The following NR2C2 variants were observed in gnomAD, a reference collection of about 807,000 sequenced individuals.
NR2C2 encodes the protein Nuclear hormone receptor TR4.
NR2C2 carries 6 observed loss-of-function variants against 62.9 expected under a neutral mutation model. That is an observed-to-expected ratio of 0.10 (90% confidence interval 0.05 to 0.19). NR2C2 has a LOEUF of 0.19. Among genes scored for constraint, NR2C2 ranks in the 10% least tolerant of loss-of-function variants. The pLI is 1.00. For missense variants in NR2C2, 479 were observed against 762.7 expected, an observed-to-expected ratio of 0.63 and a Z score of 4.38; for synonymous variants, 272 against 273.8, an observed-to-expected ratio of 0.99 and a Z score of 0.07.
At chr3:14,950,175 G>A (rs1367692820) in intron 1 of NR2C2, among the ~76,000 whole-genome samples, 2 of 152,214 alleles carry the variant, frequency 1.3e-5, no homozygotes, top group African/African-American at 2.4e-5. Flanking sequence ...TTTTTATGCA[G>A]TGTGGTGTAG....
chr3:15,019,336 C>A (rs561277827), intron 4 of NR2C2, among the ~76,000 whole-genome samples: 13 of 152,202 alleles, frequency 8.5e-5, no homozygotes, highest in Non-Finnish European at 1.3e-4. Flanking sequence ...TAAACTAGTA[C>A]AGCCACTATA....
intron 4 of NR2C2, among the ~76,000 whole-genome samples, chr3:15,017,578 T>C (rs1391801995): frequency 6.6e-6 from 1 of 152,170 alleles, no homozygotes; most frequent in Non-Finnish European, 1.5e-5. Flanking sequence ...GCTTCCCCAT[T>C]TGTCAGTCTT....
intron 7 of NR2C2, among the ~76,000 whole-genome samples, chr3:15,027,423 C>A (rs1302441773): frequency 1.3e-5 from 2 of 152,264 alleles, no homozygotes; most frequent in African/African-American, 4.8e-5. Context: ...TCTCCACATC[C>A]TTACCAACAC....
At chr3:15,023,602 C>T (rs377547728) in intron 6 of NR2C2, among the ~76,000 whole-genome samples, 9 of 152,218 alleles carry the variant, frequency 5.9e-5, no homozygotes, top group East Asian at 1.9e-4. Context: ...ATCATTCATA[C>T]GGAAGACAAT....
At chr3:14,986,382 T>G (rs994294483) in intron 1 of NR2C2, among the ~76,000 whole-genome samples, 2 of 152,178 alleles carry the variant, frequency 1.3e-5, no homozygotes, top group Non-Finnish European at 2.9e-5. Context: ...AGATGAAATG[T>G]AGAGTCAGCT....
intron 1 of NR2C2, among the ~76,000 whole-genome samples, chr3:14,986,071 G>A (rs2040506182): frequency 6.6e-6 from 1 of 151,982 alleles, no homozygotes; most frequent in Non-Finnish European, 1.5e-5. Flanking sequence ...TCCTCTTAGG[G>A]GTTTCCAATT....
chr3:15,012,369 G>A (rs2041380347), intron 2 of NR2C2, among the ~76,000 whole-genome samples: 2 of 152,180 alleles, frequency 1.3e-5, no homozygotes, highest in Non-Finnish European at 2.9e-5. Context: ...GGGACTACAG[G>A]CGCCCATCAC....
Position 15,042,147 on chromosome 3 carries a change from G to C in NR2C2, c.1617-687G>C, listed in dbSNP as rs533853684. Reference sequence around the variant, plus strand: ...CTCACCTGAGATCCAGTCCTGGCTGGGGAATGGCCTGGTCACGTGGGACAC... The same window carrying C: ...CTCACCTGAGATCCAGTCCTGGCTGCGGAATGGCCTGGTCACGTGGGACAC... On this transcript the variant is annotated intron_variant, in intron 13 of 13. Coordinates refer to ENST00000425241, the MANE Select transcript of NR2C2 (RefSeq NM_001291694.2). Among the ~76,000 whole-genome samples, 21 of 152,260 alleles carry C rather than the reference G, an allele frequency of 1.4e-4. No homozygotes were observed. The South Asian group carries it at 4.4e-3, about 32-fold the overall frequency.
intron 1 of NR2C2, among the ~76,000 whole-genome samples, chr3:14,952,270 G>T (rs12485711): frequency 0.1 from 15,750 of 152,270 alleles, 1,093 homozygotes; most frequent in Non-Finnish European, 0.15. Context: ...TGAGAACAAG[G>T]GAGGTGAGTC....
intron 11 of NR2C2, among the ~76,000 whole-genome samples, chr3:15,036,104 C>T (rs2042096095): frequency 6.6e-6 from 1 of 152,138 alleles, no homozygotes; most frequent in Admixed American, 6.5e-5. Context: ...GCATGAGAAT[C>T]ACTTGAACCC....
intron 7 of NR2C2, chr3:15,026,602 T>C (rs1381696901): frequency 6.6e-6 from 1 of 152,252 alleles, no homozygotes. Flanking sequence ...TATATGGTCT[T>C]TTGTGGCTGG....
rs1246976703 is a variant in NR2C2 at position 15,032,364 on chromosome 3, C to T, written c.1111-15C>T. 1.2e-6 allele frequency: 2 copies of T among 1,614,202 alleles called. No homozygotes were observed. The highest frequency in any genetic ancestry group is 1.3e-5 in the African/African-American group (1 of 75,058). ...CTTCCTTCACCTCCTGTGCCATGTG[C>T]CTCCTCTTTTCCAGCTAACAATGCC... On this transcript the variant is annotated splice_polypyrimidine_tract_variant and intron_variant, in intron 9 of 13. Transcript: ENST00000425241.
chr3:15,004,534 T>C, intron 2 of NR2C2: 1 of 1,602,080 alleles, frequency 6.2e-7, no homozygotes, highest in East Asian at 2.2e-5. Context: ...CGATATTCAC[T>C]TATGGGAAGT....
intron 1 of NR2C2, among the ~76,000 whole-genome samples, chr3:15,002,248 C>T (rs1413718020): frequency 1.3e-5 from 2 of 151,914 alleles, no homozygotes; most frequent in African/African-American, 4.8e-5. Context: ...TGAGAACTTT[C>T]CTTTTATATC....
intron 13 of NR2C2, among the ~76,000 whole-genome samples, chr3:15,041,946 G>T (rs56264118): frequency 8.5e-5 from 13 of 152,126 alleles, no homozygotes; most frequent in Non-Finnish European, 1.8e-4. Flanking sequence ...TATTGTAATT[G>T]GGATCATAAA....
At chr3:14,948,896 G>T (rs1274203459) in intron 1 of NR2C2, among the ~76,000 whole-genome samples, 2 of 152,084 alleles carry the variant, frequency 1.3e-5, no homozygotes, top group African/African-American at 4.8e-5. Context: ...TTGCCAGGCC[G>T]GACCTCCCTT....
chr3:15,017,093 G>A (rs577639475), intron 4 of NR2C2, among the ~76,000 whole-genome samples: 1 of 152,266 alleles, frequency 6.6e-6, no homozygotes, highest in African/African-American at 2.4e-5. Context: ...AGGAACTTTG[G>A]GCACTGTAGT....
At chr3:14,955,774 A>G (rs1317837737) in intron 1 of NR2C2, among the ~76,000 whole-genome samples, 1 of 151,922 alleles carries the variant, frequency 6.6e-6, no homozygotes, top group Admixed American at 6.5e-5. Context: ...AAGAAAGTCC[A>G]CATCACCCTT....
intron 13 of NR2C2, 107 bp from the exon 14 acceptor site, chr3:15,042,727 G>A (rs770204012): frequency 1.8e-5 from 17 of 927,368 alleles, no homozygotes; most frequent in Middle Eastern, 3.1e-4. Flanking sequence ...TGGTGGATCC[G>A]TTTGGTTTGA....
Sources: gnomAD v4.1 joint callset for allele counts (sites outside exome capture counted in the v4.1 genomes callset) on GRCh38, gnomAD v4.1.1 for gene constraint, MANE v1.5 for transcripts, NCBI Gene and HGNC (gene_info 2026-07-23, HGNC 2026-07-21) for gene names.